RBFOX1: variants seen among roughly 807,000 people sequenced by gnomAD.
The protein encoded by RBFOX1 is RNA binding fox-1 homolog 1, also known as RNA binding protein fox-1 homolog 1.
RBFOX1 carries 8 observed loss-of-function variants against 57.7 expected under a neutral mutation model. The observed-to-expected ratio is 0.14, with a 90% CI of 0.08 to 0.25. The LOEUF (loss-of-function observed/expected upper bound fraction) is 0.25. Among genes scored for constraint, RBFOX1 ranks in the 10% least tolerant of loss-of-function variants. The pLI, the probability that RBFOX1 is intolerant of heterozygous loss-of-function variation, is 1.00. For missense variants in RBFOX1, 611 were observed against 548.5 expected (o/e 1.11, Z -1.14); for synonymous variants, 326 against 222.4 (o/e 1.47, Z -4.15).
At chr16:5,258,093 G>A (rs554847804) in intron 1 of RBFOX1, among the ~76,000 whole-genome samples, 2 of 152,192 alleles carry the variant, frequency 1.3e-5, no homozygotes, top group Non-Finnish European at 2.9e-5. Context: ...TGCCTAGGCT[G>A]GTCTCAAACT....
intron 1 of RBFOX1, among the ~76,000 whole-genome samples, chr16:5,362,216 G>A (rs556399163): frequency 3.2e-4 from 48 of 151,818 alleles, no homozygotes; most frequent in African/African-American, 1.1e-3. Context: ...TTTTGAGATG[G>A]AGTCTCGCTC....
intron 2 of RBFOX1, among the ~76,000 whole-genome samples, chr16:6,380,829 AGT>A (rs2091738462): frequency 6.6e-6 from 1 of 152,210 alleles, no homozygotes; most frequent in Non-Finnish European, 1.5e-5. Context: ...TGCCTTCAGC[AGT>A]GCCCAAAGCG....
At chr16:5,811,386 G>A (rs992464231) in intron 3 of RBFOX1, among the ~76,000 whole-genome samples, 7 of 151,518 alleles carry the variant, frequency 4.6e-5, no homozygotes, top group African/African-American at 7.3e-5. Context: ...CAGGTGATCC[G>A]CCTGCCTCGG....
At chr16:7,621,382 G>A (rs1422527319) in intron 10 of RBFOX1, among the ~76,000 whole-genome samples, 4 of 151,774 alleles carry the variant, frequency 2.6e-5, no homozygotes, top group Non-Finnish European at 4.4e-5. Context: ...TGCCTCAGCC[G>A]CCCAAGTAGC....
intron 2 of RBFOX1, among the ~76,000 whole-genome samples, chr16:6,580,338 A>G (rs988327900): frequency 6.6e-6 from 1 of 152,136 alleles, no homozygotes; most frequent in Non-Finnish European, 1.5e-5. Context: ...GCTGATAACT[A>G]TTTCCAGGTA....
At chr16:5,975,952 T>C (rs1464102941) in intron 4 of RBFOX1, among the ~76,000 whole-genome samples, 2 of 152,132 alleles carry the variant, frequency 1.3e-5, no homozygotes, top group Non-Finnish European at 2.9e-5. Flanking sequence ...AAGACCAGCC[T>C]GGCCAACACG....
chr16:6,685,959 C>T (rs2059382415), intron 3 of RBFOX1, among the ~76,000 whole-genome samples: 1 of 151,880 alleles, frequency 6.6e-6, no homozygotes, highest in African/African-American at 2.4e-5. Flanking sequence ...AGGTTGATTC[C>T]AACGTGACAA....
rs186837467 is a variant in RBFOX1, at chr16:5,501,120, A to C, written c.258+33866A>C. 1.8e-3 allele frequency among the ~76,000 whole-genome samples: 272 copies of C among 152,264 alleles called. 2 individuals are homozygous for C. The East Asian group carries it at 0.037, about 21-fold the overall frequency. On this transcript the variant is annotated intron_variant, in intron 2 of 2. Transcript: ENST00000585867. ...CACCTGAGGTCAGGAGTTTGAGACC[A>C]GCTTGGCCAACATGGTGAAACCCCA...
At chr16:7,389,354 G>A (rs905500782) in intron 4 of RBFOX1, among the ~76,000 whole-genome samples, 2 of 152,094 alleles carry the variant, frequency 1.3e-5, no homozygotes, top group African/African-American at 2.4e-5. Flanking sequence ...TTAAACCCCT[G>A]GGCTCAGGTA....
intron 2 of RBFOX1, among the ~76,000 whole-genome samples, chr16:6,338,968 G>A (rs747803713): frequency 1.3e-5 from 2 of 152,158 alleles, no homozygotes; most frequent in Non-Finnish European, 2.9e-5. Context: ...TAGGAGACTG[G>A]CATGATTACA....
chr16:5,905,214 G>A (rs150885574), intron 4 of RBFOX1, among the ~76,000 whole-genome samples: 7 of 151,164 alleles, frequency 4.6e-5, no homozygotes, highest in African/African-American at 1.7e-4. Flanking sequence ...ATTATAGGTG[G>A]GTGCCACCAC....
intron 4 of RBFOX1, among the ~76,000 whole-genome samples, chr16:5,927,533 T>C (rs2058962731): frequency 6.6e-6 from 1 of 152,174 alleles, no homozygotes; most frequent in Admixed American, 6.5e-5. Flanking sequence ...TGGAAAACAA[T>C]ATGGAGGTTC....
intron 4 of RBFOX1, among the ~76,000 whole-genome samples, chr16:7,411,629 C>T (rs1435741250): frequency 5.9e-5 from 9 of 152,250 alleles, no homozygotes; most frequent in East Asian, 1.9e-4. Flanking sequence ...TCAGGCCAGG[C>T]GTGGTGGCTC....
chr16:7,172,806 T>C (rs934572681), intron 4 of RBFOX1, among the ~76,000 whole-genome samples: 2 of 152,138 alleles, frequency 1.3e-5, no homozygotes, highest in African/African-American at 4.8e-5. Context: ...AATGTAGAGT[T>C]AAACAGATGG....
At position 6,848,157 on chromosome 16, in the gene RBFOX1, C is replaced by T. The variant is rs114727594; in HGVS notation, c.-16+193507C>T. Among the ~76,000 whole-genome samples, 374 of 151,950 alleles carry T rather than the reference C, an allele frequency of 2.5e-3. 4 individuals carry two copies. Among genetic ancestry groups the T allele is most frequent in the African/African-American group, 8.6e-3 (358 of 41,474 alleles). On this transcript the variant is annotated intron_variant, in intron 3 of 15. Transcript: ENST00000550418. ...CCAAGACTGTCTAATGCTGTGTTAC[C>T]CCACAAGGAGGCTGATCACAGCCTC...
chr16:6,725,358 G>C (rs190689124), intron 3 of RBFOX1, among the ~76,000 whole-genome samples: 1 of 152,112 alleles, frequency 6.6e-6, no homozygotes, highest in Admixed American at 6.5e-5. Context: ...GCCGGTTTTG[G>C]CTAGCTTTTT....
intron 4 of RBFOX1, among the ~76,000 whole-genome samples, chr16:7,474,170 CCAGCTACT>C (rs1277443152): frequency 2.0e-5 from 3 of 152,142 alleles, no homozygotes; most frequent in African/African-American, 7.2e-5. Context: ...GCCTGTAGTT[CCAGCTACT>C]CAGGGGGCTG....
chr16:7,252,912 C>A (rs1050358312), intron 4 of RBFOX1, among the ~76,000 whole-genome samples: 3 of 152,036 alleles, frequency 2.0e-5, no homozygotes, highest in Admixed American at 2.0e-4. Flanking sequence ...CTTAGAGCCT[C>A]CAAAAATGCA....
At chr16:7,686,774 C>G (rs1252538543) in intron 14 of RBFOX1, among the ~76,000 whole-genome samples, 2 of 152,050 alleles carry the variant, frequency 1.3e-5, no homozygotes, top group Admixed American at 6.6e-5. Context: ...TTTTCAGATT[C>G]ACGGTTGGTT....
Sources: allele counts gnomAD v4.1 joint callset (sites outside exome capture counted in the v4.1 genomes callset), GRCh38; gene constraint gnomAD v4.1.1; transcripts MANE v1.5; gene names NCBI Gene and HGNC (gene_info 2026-07-23, HGNC 2026-07-21).